Variants in ZNF254 observed in about 807,000 individuals in gnomAD.
The protein encoded by ZNF254 is zinc finger protein 254.
In ZNF254, 10 loss-of-function variants were observed where a neutral mutation model predicts 12.4. That is an observed-to-expected ratio of 0.80 (90% CI 0.50 to 1.36). The LOEUF (loss-of-function observed/expected upper bound fraction) is 1.36, where lower values mean the gene tolerates loss of function less well. Among genes scored for constraint, ZNF254 ranks in the 40% most tolerant of loss-of-function variants. The pLI is 0.00. For missense variants in ZNF254, 996 were observed against 763.9 expected, an observed-to-expected ratio of 1.30 and a Z score of -3.58; for synonymous variants, 305 against 253.4, an observed-to-expected ratio of 1.20 and a Z score of -1.93.
intron 1 of ZNF254, among the ~76,000 whole-genome samples, chr19:24,036,525 C>T (rs376685625): frequency 4.6e-5 from 7 of 152,078 alleles, no homozygotes; most frequent in Non-Finnish European, 7.4e-5. Flanking sequence ...GAGCCCTGAA[C>T]TTGTAGGGTC....
intron 2 of ZNF254, among the ~76,000 whole-genome samples, chr19:24,058,333 T>G (rs62114784): frequency 0.15 from 22,517 of 152,032 alleles, 1,925 homozygotes; most frequent in Middle Eastern, 0.23. Context: ...CCTCTGTGCT[T>G]TCCACATTAG....
chr19:24,054,470 G>A (rs62114775), intron 2 of ZNF254, among the ~76,000 whole-genome samples: 22,582 of 152,096 alleles, frequency 0.15, 1,942 homozygotes, highest in Middle Eastern at 0.23. Flanking sequence ...TTTTATGAAG[G>A]TCATAAAGAA....
chr19:24,106,001 A>T lies in ZNF254; in HGVS notation c.92A>T (p.Asp31Val). ...TCTCTGGAGGAGTGGCAACACCTGG[A>T]CATTGCACAGCAGAATTTATATAGA... ...EFSLEEWQHL[D>V]IAQQNLYRNV... The change falls in exon 2 of 4, where the codon GAC becomes GTC. Residue 31 changes from aspartate (D) to valine (V), a missense_variant. Coordinates refer to ENST00000357002, the MANE Select transcript of ZNF254 (RefSeq NM_203282.4). The T allele has an allele frequency of 6.2e-7, 1 of 1,600,764 alleles. No individual in the cohort carries two copies. The highest frequency in any genetic ancestry group is 8.5e-7 in the Non-Finnish European group (1 of 1,172,018).
At chr19:24,089,779 A>G (rs1483250951) in intron 1 of ZNF254, among the ~76,000 whole-genome samples, 1 of 152,052 alleles carries the variant, frequency 6.6e-6, no homozygotes. Context: ...TTAAAGACAC[A>G]TTGCTGGTCA....
At chr19:24,076,250 T>TTTC (rs1439700571) in intron 2 of ZNF254, among the ~76,000 whole-genome samples, 1 of 152,192 alleles carries the variant, frequency 6.6e-6, no homozygotes, top group Non-Finnish European at 1.5e-5. Flanking sequence ...TGTTCAGAGA[T>TTTC]TGCAGTAAAG....
intron 1 of ZNF254, among the ~76,000 whole-genome samples, chr19:24,044,394 C>T (rs1343573091): frequency 2.6e-5 from 4 of 151,374 alleles, no homozygotes; most frequent in South Asian, 2.1e-4. Flanking sequence ...AAAAATTAGC[C>T]GGGCATGGTG....
rs541023916 is a variant in ZNF254 at position 24,115,637 on chromosome 19, C to A, written c.253+8994C>A. Reference sequence around the variant, plus strand: ...CATGTATACATATGTAACTAACCTGCACATTGTGCACATGTACCGTAAAAC... The same window carrying A: ...CATGTATACATATGTAACTAACCTGAACATTGTGCACATGTACCGTAAAAC... On this transcript the variant is annotated intron_variant, in intron 3 of 3. Coordinates refer to ENST00000357002, the MANE Select transcript of ZNF254 (RefSeq NM_203282.4). 2.6e-5 allele frequency among the ~76,000 whole-genome samples: 4 copies of A among 151,970 alleles called. No homozygotes were observed. In the South Asian group the frequency reaches 8.3e-4, roughly 32 times the overall value.
intron 2 of ZNF254, among the ~76,000 whole-genome samples, chr19:24,069,779 C>T (rs1430403188): frequency 6.6e-6 from 1 of 151,738 alleles, no homozygotes; most frequent in Non-Finnish European, 1.5e-5. Context: ...GGTAAAACCC[C>T]ATCTCTACTA....
intron 1 of ZNF254, chr19:24,105,355 T>TA (rs796272816): frequency 0.035 from 7,161 of 202,602 alleles, 10 homozygotes; most frequent in South Asian, 0.065. Flanking sequence ...CTAGAAAAAC[T>TA]AAAAAAAAAA....
At chr19:24,035,612 G>T (rs1248878011) in intron 1 of ZNF254, among the ~76,000 whole-genome samples, 2 of 152,136 alleles carry the variant, frequency 1.3e-5, no homozygotes, top group Admixed American at 1.3e-4. Flanking sequence ...GGTGGAGGTT[G>T]CAGTGAGCCG....
intron 1 of ZNF254, among the ~76,000 whole-genome samples, chr19:24,040,956 G>A (rs571292736): frequency 2.0e-5 from 3 of 152,270 alleles, no homozygotes; most frequent in Non-Finnish European, 2.9e-5. Flanking sequence ...GGGAACTTTC[G>A]ATAAAGAAGC....
chr19:24,042,747 C>G (rs959635579), intron 1 of ZNF254, among the ~76,000 whole-genome samples: 2 of 152,188 alleles, frequency 1.3e-5, no homozygotes, highest in Non-Finnish European at 2.9e-5. Flanking sequence ...TGATTAGATT[C>G]AGATTAGTAT....
chr19:24,108,274 A>ACCC (rs756555883), intron 3 of ZNF254, among the ~76,000 whole-genome samples: 27 of 151,858 alleles, frequency 1.8e-4, no homozygotes, highest in Non-Finnish European at 3.5e-4. Context: ...GAAAGGCAGG[A>ACCC]CCCCCCCAGA....
At chr19:24,041,343 G>T (rs989066174) in intron 1 of ZNF254, among the ~76,000 whole-genome samples, 8 of 152,256 alleles carry the variant, frequency 5.3e-5, no homozygotes, top group African/African-American at 1.9e-4. Flanking sequence ...CCGGGGCTGC[G>T]TGCGGCGCTT....
At chr19:24,042,844 G>A (rs1268406169) in intron 1 of ZNF254, among the ~76,000 whole-genome samples, 1 of 152,170 alleles carries the variant, frequency 6.6e-6, no homozygotes, top group Non-Finnish European at 1.5e-5. Context: ...AATTACAGCT[G>A]ACACTAACTT....
At chr19:24,059,491 A>G (rs775337167) in intron 2 of ZNF254, among the ~76,000 whole-genome samples, 6 of 152,154 alleles carry the variant, frequency 3.9e-5, no homozygotes, top group Non-Finnish European at 7.3e-5. Flanking sequence ...ATTGTGACAT[A>G]TTGCTAGACT....
At chr19:24,112,827 A>G (rs1973774728) in intron 3 of ZNF254, among the ~76,000 whole-genome samples, 1 of 152,200 alleles carries the variant, frequency 6.6e-6, no homozygotes, top group Admixed American at 6.5e-5. Flanking sequence ...AATAGATGCA[A>G]TAAAAAATGA....
chr19:24,122,783 TA>T (rs1974571351), intron 3 of ZNF254, among the ~76,000 whole-genome samples: 1 of 149,922 alleles, frequency 6.7e-6, no homozygotes, highest in Non-Finnish European at 1.5e-5. Context: ...TGCTTTTACC[TA>T]TTGGCTTACA....
chr19:24,044,739 C>T (rs1970313881), intron 1 of ZNF254, among the ~76,000 whole-genome samples: 1 of 152,056 alleles, frequency 6.6e-6, no homozygotes, highest in African/African-American at 2.4e-5. Context: ...ACTCATAAGT[C>T]AGAACCAGTT....
Sources: allele counts gnomAD v4.1 joint callset (sites outside exome capture counted in the v4.1 genomes callset), GRCh38; gene constraint gnomAD v4.1.1; transcripts MANE v1.5; gene names NCBI Gene and HGNC (gene_info 2026-07-23, HGNC 2026-07-21).